TRPM3: variants seen among roughly 807,000 people sequenced by gnomAD.
TRPM3 encodes long transient receptor potential channel 3.
In TRPM3, 77 loss-of-function variants were observed where a neutral mutation model predicts 181.2. The observed-to-expected ratio is 0.42, with a 90% CI of 0.35 to 0.51. TRPM3 has a LOEUF of 0.51. Ranked by LOEUF, TRPM3 falls within the 20% of genes least tolerant of loss-of-function variation. The pLI is 0.01. For missense variants in TRPM3, 1,759 were observed against 2,196.7 expected (o/e 0.80, Z 3.98); for synonymous variants, 745 against 796.4 (o/e 0.94, Z 1.09).
chr9:71,318,683 A>G (rs190227242), intron 1 of TRPM3, among the ~76,000 whole-genome samples: 121 of 152,292 alleles, frequency 7.9e-4, no homozygotes, highest in African/African-American at 2.7e-3. Context: ...AAAATAAAAG[A>G]ATCACAGGAC....
intron 25 of TRPM3, among the ~76,000 whole-genome samples, chr9:70,538,358 T>A (rs1467811633): frequency 6.6e-6 from 1 of 152,198 alleles, no homozygotes; most frequent in Non-Finnish European, 1.5e-5. Flanking sequence ...CTCAAACTCC[T>A]GGGCTCAAGT....
rs755921056 is a variant in TRPM3 at position 70,921,940 on chromosome 9, CAA to C, written c.178-57431_178-57430del. On this transcript the variant is annotated intron_variant, in intron 1 of 25. Coordinates refer to ENST00000677713, the MANE Select transcript of TRPM3 (RefSeq NM_001366145.2). Reference sequence around the variant, plus strand: ...CTATACACACACACACACACACAAACAAACACACACACACACACACACACACA... The same window carrying C: ...CTATACACACACACACACACACAAACACACACACACACACACACACACACA... 2.3e-5 allele frequency among the ~76,000 whole-genome samples: 3 copies of C among 131,714 alleles called. No individual in the cohort carries two copies. The East Asian group carries it at 7.4e-4, about 32-fold the overall frequency. The allele number at this position is 131,714 out of a possible 152,430, so 86.4% of individuals were successfully genotyped here. A position where few individuals can be genotyped will look rare whatever the true frequency, so the allele number is the denominator to read the frequency against.
At chr9:71,041,281 T>G (rs2058784000) in intron 1 of TRPM3, among the ~76,000 whole-genome samples, 1 of 152,128 alleles carries the variant, frequency 6.6e-6, no homozygotes, top group South Asian at 2.1e-4. Flanking sequence ...AAAAATTTGG[T>G]GAATCCAAGT....
chr9:71,125,844 T>C (rs1206355910), upstream of TRPM3, among the ~76,000 whole-genome samples: 3 of 152,066 alleles, frequency 2.0e-5, no homozygotes, highest in African/African-American at 7.2e-5. Context: ...TCAAAAGCAA[T>C]TGCAACAAAA....
At chr9:70,691,519 C>T (rs76085057) in intron 8 of TRPM3, among the ~76,000 whole-genome samples, 13 of 152,134 alleles carry the variant, frequency 8.5e-5, no homozygotes, top group African/African-American at 2.7e-4. Context: ...AAGGGATCAT[C>T]GTGGATGAAC....
intron 3 of TRPM3, among the ~76,000 whole-genome samples, chr9:70,862,611 A>G (rs1359874322): frequency 6.6e-6 from 1 of 152,194 alleles, no homozygotes; most frequent in Non-Finnish European, 1.5e-5. Flanking sequence ...CATAATAAAC[A>G]GTGAATAACT....
chr9:71,404,400 T>C (rs1380851571), intron 1 of TRPM3, among the ~76,000 whole-genome samples: 1 of 152,236 alleles, frequency 6.6e-6, no homozygotes, highest in Non-Finnish European at 1.5e-5. Context: ...TGGGAATCTT[T>C]TTAGGATTTG....
At chr9:70,752,474 T>A (rs2076365494) in intron 8 of TRPM3, among the ~76,000 whole-genome samples, 1 of 152,132 alleles carries the variant, frequency 6.6e-6, no homozygotes, top group African/African-American at 2.4e-5. Flanking sequence ...GAAGAATATC[T>A]TTTTGATATT....
At chr9:70,990,100 G>A (rs2097463006) in intron 1 of TRPM3, among the ~76,000 whole-genome samples, 1 of 152,138 alleles carries the variant, frequency 6.6e-6, no homozygotes, top group Admixed American at 6.6e-5. Context: ...AATAAGTGGA[G>A]GAGTTCAGAA....
At chr9:70,814,484 G>T (rs936942446) in intron 6 of TRPM3, among the ~76,000 whole-genome samples, 1 of 152,140 alleles carries the variant, frequency 6.6e-6, no homozygotes, top group Non-Finnish European at 1.5e-5. Context: ...TAGGCTTTTA[G>T]TCATTCACCA....
intron 1 of TRPM3, among the ~76,000 whole-genome samples, chr9:71,318,189 A>G (rs2088834038): frequency 6.6e-6 from 1 of 152,214 alleles, no homozygotes; most frequent in African/African-American, 2.4e-5. Context: ...TTTAATCATG[A>G]TTGAATTCTA....
At chr9:71,254,257 AG>A (rs1373335780) in intron 1 of TRPM3, among the ~76,000 whole-genome samples, 2 of 152,196 alleles carry the variant, frequency 1.3e-5, no homozygotes, top group Non-Finnish European at 2.9e-5. Context: ...AAGCGCAGAA[AG>A]GTAAATACCA....
intron 1 of TRPM3, among the ~76,000 whole-genome samples, chr9:71,110,622 C>T (rs1273917265): frequency 1.3e-5 from 2 of 152,084 alleles, no homozygotes; most frequent in African/African-American, 4.8e-5. Flanking sequence ...ACAAACCTTG[C>T]CTACCCTGAT....
chr9:70,648,874 C>A (rs547777451), intron 9 of TRPM3, among the ~76,000 whole-genome samples: 1 of 152,192 alleles, frequency 6.6e-6, no homozygotes, highest in East Asian at 1.9e-4. Flanking sequence ...AATATAAAAC[C>A]TAAAACTATG....
At chr9:71,417,769 A>C (rs1339587340) in intron 1 of TRPM3, among the ~76,000 whole-genome samples, 1 of 152,026 alleles carries the variant, frequency 6.6e-6, no homozygotes, top group African/African-American at 2.4e-5. Flanking sequence ...AAATGACTTC[A>C]TAAAATAGAA....
At chr9:70,797,514 C>T (rs572001266) in intron 6 of TRPM3, among the ~76,000 whole-genome samples, 186 of 152,322 alleles carry the variant, frequency 1.2e-3, no homozygotes, top group Non-Finnish European at 2.3e-3. Flanking sequence ...ACCCAACCTT[C>T]GTCTCCCCAT....
intron 1 of TRPM3, among the ~76,000 whole-genome samples, chr9:71,404,579 C>T (rs1403493410): frequency 6.6e-6 from 1 of 152,126 alleles, no homozygotes; most frequent in Non-Finnish European, 1.5e-5. Context: ...TGGACTAATG[C>T]TATCACCTTC....
At chr9:71,400,455 G>T (rs2093315921) in intron 1 of TRPM3, among the ~76,000 whole-genome samples, 1 of 152,116 alleles carries the variant, frequency 6.6e-6, no homozygotes, top group Non-Finnish European at 1.5e-5. Context: ...ATTTAATTCT[G>T]TTACTGTTGA....
chr9:70,581,108 G>A (rs2055525025), intron 22 of TRPM3, among the ~76,000 whole-genome samples: 1 of 152,200 alleles, frequency 6.6e-6, no homozygotes, highest in East Asian at 1.9e-4. Context: ...TATATACACA[G>A]AAGAGTCCAT....
Sources: allele counts gnomAD v4.1 joint callset (sites outside exome capture counted in the v4.1 genomes callset), GRCh38; gene constraint gnomAD v4.1.1; transcripts MANE v1.5; gene names NCBI Gene and HGNC (gene_info 2026-07-23, HGNC 2026-07-21).